Variants in ROS1 observed in about 807,000 individuals in gnomAD.
The protein encoded by ROS1 is ROS proto-oncogene 1, receptor tyrosine kinase, also known as proto-oncogene tyrosine-protein kinase ROS.
In ROS1, 263 loss-of-function variants were observed where a neutral mutation model predicts 273.5. The observed-to-expected ratio is 0.96, with a 90% CI of 0.87 to 1.06. The LOEUF (loss-of-function observed/expected upper bound fraction) is 1.06, where lower values mean the gene tolerates loss of function less well. ROS1 is among the 50% of genes least tolerant of loss of function. ROS1 has a pLI of 0.00. For missense variants in ROS1, 2,833 were observed against 2,751.1 expected (o/e 1.03, Z -0.67); for synonymous variants, 1,008 against 954.1 (o/e 1.06, Z -1.04).
intron 27 of ROS1, among the ~76,000 whole-genome samples, chr6:117,346,301 G>GA (rs1337878146): frequency 1.3e-5 from 2 of 150,868 alleles, no homozygotes; most frequent in Admixed American, 6.6e-5. Flanking sequence ...AATACCTTCA[G>GA]AAAAAAAGGA....
At chr6:117,344,682 G>A (rs893913151) in intron 27 of ROS1, among the ~76,000 whole-genome samples, 2 of 152,140 alleles carry the variant, frequency 1.3e-5, no homozygotes, top group Non-Finnish European at 2.9e-5. Context: ...AACCCAGGAG[G>A]CGGACACTAT....
At chr6:117,365,782 G>C (rs779006608) in intron 19 of ROS1, 41 bp from the exon 20 acceptor site, 1 of 1,382,320 alleles carries the variant, frequency 7.2e-7, no homozygotes, top group Non-Finnish European at 9.7e-7. Context: ...AGAAAAAAAT[G>C]GGGATTATTG....
At chr6:117,338,267 T>C (rs1777622598) in intron 31 of ROS1, among the ~76,000 whole-genome samples, 1 of 152,146 alleles carries the variant, frequency 6.6e-6, no homozygotes, top group Non-Finnish European at 1.5e-5. Flanking sequence ...ATTAAATGGA[T>C]ACTTTATATT....
At chr6:117,353,307 T>C in intron 26 of ROS1, 141 bp from the exon 27 acceptor site, 1 of 631,216 alleles carries the variant, frequency 1.6e-6, no homozygotes, top group South Asian at 2.5e-5. Context: ...ACCTTTATTT[T>C]ATGTCATTTG....
intron 21 of ROS1, 121 bp downstream of exon 21, chr6:117,364,939 T>A (rs1446830640): frequency 1.2e-6 from 1 of 849,688 alleles, no homozygotes; most frequent in Non-Finnish European, 1.8e-6. Flanking sequence ...ATTGAAAGGG[T>A]ATTGAATCTA....
In ROS1 at chr6:117,388,749, G is replaced by T. The variant is rs533280014; in HGVS notation, c.1786+601C>A. On this transcript the variant is annotated intron_variant, in intron 13 of 43. Transcript: ENST00000368507. ...TTTGCTGACCTCTGTGCTAGATACT[G>T]TTCTAAGTGCTCTACTAATGTGTTT... Among the ~76,000 whole-genome samples, 3 of 152,256 alleles carry T rather than the reference G, an allele frequency of 2.0e-5. No homozygotes were observed. In the East Asian group the frequency reaches 5.8e-4, roughly 29 times the overall value.
At chr6:117,308,713 A>G (rs1562256848) in intron 42 of ROS1, 81 bp downstream of exon 42, 6 of 1,390,058 alleles carry the variant, frequency 4.3e-6, no homozygotes, top group Non-Finnish European at 5.9e-6. Flanking sequence ...TAACAATTTA[A>G]CAAACTATAT....
rs141700382 is a variant in ROS1 at position 117,382,127 on chromosome 6, T to C, written c.2481+1190A>G. ...AAATGAAAATGCTTTTCCCTAACAA[T>C]TATATTTTTTGAAAAACAAAAAAAA... is the stretch of plus-strand genomic sequence containing the variant. On this transcript the variant is annotated intron_variant, in intron 17 of 43. Coordinates refer to ENST00000368507, the MANE Select transcript of ROS1 (RefSeq NM_001378902.1). Among the ~76,000 whole-genome samples, 754 of 152,278 alleles carry C rather than the reference T, an allele frequency of 5.0e-3. 3 individuals carry two copies. The highest frequency in any genetic ancestry group is 8.9e-3 in the Non-Finnish European group (604 of 67,998).
At chr6:117,399,786 T>C (rs1381777321) in intron 7 of ROS1, among the ~76,000 whole-genome samples, 3 of 152,232 alleles carry the variant, frequency 2.0e-5, no homozygotes, top group Non-Finnish European at 2.9e-5. Context: ...TATGTTCTGT[T>C]TTTAAAAAGC....
Position 117,342,405 on chromosome 6 carries a change from T to G in ROS1, c.4646A>C (p.Asn1549Thr), listed in dbSNP as rs779188243. ...PGKEIWGKTK[N>T]GVPEAVQLIN... ...ACAACAAGCCCATAACTTACCTCCA[T>G]TTTTAGTTTTTCCCCAAATCTCTTT... Residue 1549 changes from asparagine (N) to threonine (T), a missense_variant, in exon 29 of 44, where the codon AAT (asparagine) becomes ACT (threonine). Asn to Thr is a moderately conservative substitution (Grantham distance 65). Coordinates refer to ENST00000368507, the MANE Select transcript of ROS1 (RefSeq NM_001378902.1). The G allele has an allele frequency of 2.5e-6, 4 of 1,612,046 alleles. No homozygotes were observed. The highest frequency in any genetic ancestry group is 3.4e-6 in the Non-Finnish European group (4 of 1,178,938).
chr6:117,369,257 A>C (rs1200868951), intron 18 of ROS1, among the ~76,000 whole-genome samples: 1 of 152,204 alleles, frequency 6.6e-6, no homozygotes, highest in Non-Finnish European at 1.5e-5. Context: ...ACATACATAC[A>C]AGAAAACATT....
intron 27 of ROS1, among the ~76,000 whole-genome samples, chr6:117,350,638 C>T (rs1387942724): frequency 1.3e-5 from 2 of 149,558 alleles, no homozygotes; most frequent in African/African-American, 4.9e-5. Flanking sequence ...TATCTTACAC[C>T]TTGTGTAGTT....
rs1260556916 is a variant in ROS1, at chr6:117,337,131, A to C, written c.5230+41T>G. 8 of 1,522,994 alleles carry C rather than the reference A, an allele frequency of 5.3e-6. No individual in the cohort carries two copies. In the Admixed American group the frequency reaches 1.6e-4, roughly 30 times the overall value. 94.3% of individuals were successfully genotyped at this position (1,522,994 alleles called of 1,614,324 possible). On this transcript the variant is annotated intron_variant, in intron 32 of 43. Transcript: ENST00000368507. The stretch of plus-strand genomic sequence containing the variant: ...GAAATAAGTGATAAGAAAAAAACTG[A>C]AACACAGAGTTTTCTGAGTATTGAG...
In ROS1 at chr6:117,288,397, G is replaced by C; in HGVS notation, c.*95C>G. On this transcript the variant is annotated 3_prime_UTR_variant, in exon 44 of 44. Transcript: ENST00000368507. ...GTTGCATTGTTTATTTGGAGTTATA[G>C]ACCACCATGACATTTATCATTCTAG... 2.7e-6 allele frequency: 3 copies of C among 1,101,740 alleles called. No individual in the cohort carries two copies. Among genetic ancestry groups the C allele is most frequent in the Non-Finnish European group, 3.9e-6 (3 of 761,968 alleles). 68.2% of individuals were successfully genotyped at this position (1,101,740 alleles called of 1,614,324 possible).
intron 12 of ROS1, among the ~76,000 whole-genome samples, chr6:117,390,712 A>G (rs959589097): frequency 6.6e-6 from 1 of 152,152 alleles, no homozygotes; most frequent in African/African-American, 2.4e-5. Flanking sequence ...TAGAGCTACC[A>G]TTTTATAAAC....
At position 117,338,393 on chromosome 6, in the gene ROS1, C is replaced by T. The variant is rs1030176045; in HGVS notation, c.5062-1053G>A. ...GGAATGAAAACTTAAAAAAATAGAA[C>T]TGCTGATGTCAGGGACATTGCCTGC... On this transcript the variant is annotated intron_variant, in intron 31 of 43. Transcript: ENST00000368507. Among the ~76,000 whole-genome samples, 6 of 152,098 alleles carry T rather than the reference C, an allele frequency of 3.9e-5. No homozygotes were observed. The South Asian group carries it at 6.2e-4, about 16-fold the overall frequency.
chr6:117,397,507 A>G (rs1397239853), intron 7 of ROS1, among the ~76,000 whole-genome samples: 3 of 152,218 alleles, frequency 2.0e-5, no homozygotes, highest in South Asian at 2.1e-4. Flanking sequence ...ACGAGTTTAA[A>G]AAAAAGTCCA....
chr6:117,317,099 G>A (rs377227659), intron 39 of ROS1, 44 bp downstream of exon 39: 2 of 1,584,446 alleles, frequency 1.3e-6, no homozygotes, highest in Admixed American at 3.7e-5. Flanking sequence ...GAATTATAGG[G>A]CATTTGCATT....
chr6:117,353,265 AT>A, intron 26 of ROS1, 99 bp from the exon 27 acceptor site: 1 of 796,828 alleles, frequency 1.3e-6, no homozygotes, highest in Non-Finnish European at 1.9e-6. Context: ...TAATTGCTAA[AT>A]TTTGAATCTA....
Sources: gnomAD v4.1 joint callset for allele counts (sites outside exome capture counted in the v4.1 genomes callset) on GRCh38, gnomAD v4.1.1 for gene constraint, MANE v1.5 for transcripts, NCBI Gene and HGNC (gene_info 2026-07-23, HGNC 2026-07-21) for gene names.